USH1G: variants seen among roughly 807,000 people sequenced by gnomAD.
USH1G encodes USH1 protein network component sans, also known as pre-mRNA splicing regulator USH1G.
USH1G carries 27 observed loss-of-function variants against 31.9 expected under a neutral mutation model. The observed-to-expected ratio is 0.85, with a 90% CI of 0.62 to 1.17. USH1G has a LOEUF of 1.17. Among genes scored for constraint, USH1G ranks in the 50% most tolerant of loss-of-function variants. The pLI, the probability that USH1G is intolerant of heterozygous loss-of-function variation, is 0.00. For synonymous variants in USH1G, 266 were observed against 283.2 expected (o/e 0.94, Z 0.61); for missense variants, 674 against 638.9 (o/e 1.05, Z -0.59).
rs1568448 is a variant in USH1G at position 74,916,173 on chromosome 17, C to G, written c.*1900G>C. 0.37 allele frequency: 55,837 copies of G among 152,144 alleles called. 11,730 individuals carry two copies. Among genetic ancestry groups the G allele is most frequent in the Admixed American group, 0.51 (7,844 of 15,282 alleles). The allele number at this position is 152,144 out of a possible 1,614,324, so 9.4% of individuals were successfully genotyped here. Reference sequence around the variant, plus strand: ...CAGTGGTGGGAGCACAGAGCCTGCTCCACCCCAGCACCAGAAGAACCAGGA... The same window carrying G: ...CAGTGGTGGGAGCACAGAGCCTGCTGCACCCCAGCACCAGAAGAACCAGGA... On this transcript the variant is annotated 3_prime_UTR_variant, in exon 3 of 3. Transcript: ENST00000614341.
At position 74,919,962 on chromosome 17, in the gene USH1G, G is replaced by C. The variant is rs755521947; in HGVS notation, c.874C>G (p.Pro292Ala). The change falls in exon 2 of 3, where the codon CCT becomes GCT. Residue 292 changes from proline (P) to alanine (A), a missense_variant. Transcript: ENST00000614341. The surrounding 1 kb of genome is among the most constrained non-coding windows in gnomAD (Gnocchi z 4.5). ...TCGGTGCTGACCTCCGAGTGGGCAG[G>C]CTCGGCCGCCAGCGTGGCACGGGAG... ...SVSRATLAAE[P>A]AHSEVSTDSG... 6.2e-7 allele frequency: 1 copy of C among 1,611,742 alleles called. No homozygotes were observed. Among genetic ancestry groups the C allele is most frequent in the South Asian group, 1.1e-5 (1 of 91,044 alleles).
Position 74,917,261 on chromosome 17 carries a change from A to C in USH1G, c.*812T>G, listed in dbSNP as rs1435214658. ...GTTGGCGGACACCTTTCTCTAGCCC[A>C]GCGCATGCCTGCCAGGCCTGGGGGC... On this transcript the variant is annotated 3_prime_UTR_variant, in exon 3 of 3. Transcript: ENST00000614341. 6.6e-6 allele frequency: 1 copy of C among 152,324 alleles called. No individual in the cohort carries two copies. The highest frequency in any genetic ancestry group is 1.9e-4 in the East Asian group (1 of 5,190). The allele number at this position is 152,324 out of a possible 1,614,324, so 9.4% of individuals were successfully genotyped here.
chr17:74,917,696 A>G lies in USH1G; in HGVS notation c.*377T>C. On this transcript the variant is annotated 3_prime_UTR_variant, in exon 3 of 3. Transcript: ENST00000614341. ...ACAAGACCATCAGGGGAGGGGTGGG[A>G]GAGGCCACGGCGCCCGGGACAGGTG... The G allele has an allele frequency of 3.1e-6, 1 of 324,904 alleles. No homozygotes were observed. Among genetic ancestry groups the G allele is most frequent in the South Asian group, 3.8e-5 (1 of 26,246 alleles). 20.1% of individuals were successfully genotyped at this position (324,904 alleles called of 1,614,324 possible). A position where few individuals can be genotyped will look rare whatever the true frequency, so the allele number is the denominator to read the frequency against.
At position 74,923,052 on chromosome 17, in the gene USH1G, C is replaced by G. The variant is rs779198694; in HGVS notation, c.22G>C (p.Ala8Pro). ...AGCTCCAGGTAGCCATCCCGGGCTGCCCGGTGGTACTGGTCGTTCATGGCG... is the reference window on the plus strand; with the variant it reads ...AGCTCCAGGTAGCCATCCCGGGCTGGCCGGTGGTACTGGTCGTTCATGGCG... MNDQYHRAARDGYLELLK... is the reference protein window; with the variant it reads MNDQYHRPARDGYLELLK... Residue 8 changes from alanine to proline, a missense_variant, in exon 1 of 3, where the codon GCA becomes CCA. By Grantham distance (27) the Ala-to-Pro change is conservative (BLOSUM62 -1). Transcript: ENST00000614341. This position sits in a 1 kb window ranked among gnomAD's most constrained non-coding sequence, Gnocchi z 5.3. 7.6e-6 allele frequency: 12 copies of G among 1,586,500 alleles called. No individual in the cohort carries two copies. In the South Asian group the frequency reaches 1.4e-4, roughly 18 times the overall value.
rs1180674069 is a variant in USH1G, at chr17:74,917,420, G to A, written c.*653C>T. The A allele has an allele frequency of 1.3e-5, 2 of 154,666 alleles. No homozygotes were observed. Among genetic ancestry groups the A allele is most frequent in the African/African-American group, 4.8e-5 (2 of 41,478 alleles). 9.6% of individuals were successfully genotyped at this position (154,666 alleles called of 1,614,324 possible). ...CAGGCCAGGCTCCACCCCTGGATGA[G>A]CTGGGAAGGGCGTCAGTACCCCCAC... On this transcript the variant is annotated 3_prime_UTR_variant, in exon 3 of 3. Transcript: ENST00000614341.
At position 74,920,448 on chromosome 17, in the gene USH1G, T is replaced by C. The variant is rs111033465; in HGVS notation, c.388A>G (p.Lys130Glu). Residue 130 changes from lysine to glutamate, a missense_variant, in exon 2 of 3, where the codon AAG becomes GAG. Lys to Glu is a moderately conservative substitution (Grantham distance 56, BLOSUM62 1). Coordinates refer to ENST00000614341, the MANE Select transcript of USH1G (RefSeq NM_173477.5). The surrounding 1 kb of genome is among the most constrained non-coding windows in gnomAD (Gnocchi z 5.2). ...TTGTCCTTCAGCTTACCCACCAGCT[T>C]GGGGTTGAGGCTGCTCTGCTTGGCC... The part of the protein sequence containing the change: ...IAAKQSSLNP[K>E]LVGKLKDKAF... 6.9e-3 allele frequency: 11,208 copies of C among 1,613,660 alleles called. 612 individuals are homozygous for C. In the African/African-American group the frequency reaches 0.13, roughly 19 times the overall value.
In USH1G at chr17:74,921,634, C is replaced by G. The variant is rs1042124853; in HGVS notation, c.165-963G>C. On this transcript the variant is annotated intron_variant, in intron 1 of 2. Coordinates refer to ENST00000614341, the MANE Select transcript of USH1G (RefSeq NM_173477.5). This position sits in a 1 kb window ranked among gnomAD's most constrained non-coding sequence, Gnocchi z 4.6. Reference sequence around the variant, plus strand: ...CTTCCTGGGCCTCCCCTCCTGGCCGCCAAGTCCTGCAGGCCAGTGTGGGAA... The same window carrying G: ...CTTCCTGGGCCTCCCCTCCTGGCCGGCAAGTCCTGCAGGCCAGTGTGGGAA... Among the ~76,000 whole-genome samples the G allele has an allele frequency of 6.6e-6, 1 of 152,180 alleles. No homozygotes were observed. Among genetic ancestry groups the G allele is most frequent in the African/African-American group, 2.4e-5 (1 of 41,438 alleles).
chr17:74,918,012 G>C lies in USH1G; in HGVS notation c.*61C>G. On this transcript the variant is annotated 3_prime_UTR_variant, in exon 3 of 3. Coordinates refer to ENST00000614341, the MANE Select transcript of USH1G (RefSeq NM_173477.5). The surrounding 1 kb of genome is among the most constrained non-coding windows in gnomAD (Gnocchi z 4.1). Reference sequence around the variant, plus strand: ...GGGCTGGCAACTGTGAGGACCTCGAGACCCCACCATAGGTTGTGGCAACTT... The same window carrying C: ...GGGCTGGCAACTGTGAGGACCTCGACACCCCACCATAGGTTGTGGCAACTT... 1 of 1,612,146 alleles carries C rather than the reference G, an allele frequency of 6.2e-7. No individual in the cohort carries two copies. Among genetic ancestry groups the C allele is most frequent in the Non-Finnish European group, 8.5e-7 (1 of 1,178,536 alleles).
chr17:74,920,284 G>A lies in USH1G; in HGVS notation c.552C>T (p.Ser184=), dbSNP rs761010255. 1 of 1,604,376 alleles carries A rather than the reference G, an allele frequency of 6.2e-7. No individual in the cohort carries two copies. ...GATGCTGCAGCCGGCGGCTCAGGGT[G>A]CTGGACGTGAGGCTGGAGAAGCTGA... ...DTLSFSSLTS[S]TLSRRLQHLA... is the part of the protein sequence containing the mutation. The change falls in exon 2 of 3, where the codon AGC becomes AGT. Residue 184 remains serine, a synonymous_variant. Coordinates refer to ENST00000614341, the MANE Select transcript of USH1G (RefSeq NM_173477.5). This position sits in a 1 kb window ranked among gnomAD's most constrained non-coding sequence, Gnocchi z 5.2.
In USH1G at chr17:74,919,896, TGCC is replaced by T. The variant is rs2038915217; in HGVS notation, c.937_939del (p.Gly313del). ...AAGTAATTTCTGCGGAACACCATGGTGCCCAGGCCGGGGCGGGTAAACAGGGAG... is the reference window on the plus strand; with the variant it reads ...AAGTAATTTCTGCGGAACACCATGGTCAGGCCGGGGCGGGTAAACAGGGAG... On this transcript the variant is annotated inframe_deletion, in exon 2 of 3. Coordinates refer to ENST00000614341, the MANE Select transcript of USH1G (RefSeq NM_173477.5). The surrounding 1 kb of genome is among the most constrained non-coding windows in gnomAD (Gnocchi z 4.5). 1.2e-6 allele frequency: 2 copies of T among 1,612,786 alleles called. No individual in the cohort carries two copies. Among genetic ancestry groups the T allele is most frequent in the Non-Finnish European group, 1.7e-6 (2 of 1,179,814 alleles).
In USH1G at chr17:74,923,131, G is replaced by C; in HGVS notation, c.-58C>G. The stretch of plus-strand genomic sequence containing the variant: ...ACGGAGAAAGGCCCCCCGCAGGGGA[G>C]GGCGGCGGTATTAGGGCTGAGGCAT... On this transcript the variant is annotated 5_prime_UTR_variant, in exon 1 of 3. Transcript: ENST00000614341. The surrounding 1 kb of genome is among the most constrained non-coding windows in gnomAD (Gnocchi z 5.3). The C allele has an allele frequency of 6.7e-7, 1 of 1,502,696 alleles. No individual in the cohort carries two copies. Among genetic ancestry groups the C allele is most frequent in the Non-Finnish European group, 9.0e-7 (1 of 1,116,124 alleles). 93.1% of individuals were successfully genotyped at this position (1,502,696 alleles called of 1,614,324 possible). A position where few individuals can be genotyped will look rare whatever the true frequency, so the allele number is the denominator to read the frequency against.
chr17:74,923,215 G>A lies in USH1G; in HGVS notation c.-142C>T. 3.0e-6 allele frequency: 2 copies of A among 674,238 alleles called. No individual in the cohort carries two copies. The highest frequency in any genetic ancestry group is 3.5e-5 in the East Asian group (1 of 28,426). The allele number at this position is 674,238 out of a possible 1,614,324, so 41.8% of individuals were successfully genotyped here. A position where few individuals can be genotyped will look rare whatever the true frequency, so the allele number is the denominator to read the frequency against. On this transcript the variant is annotated 5_prime_UTR_variant, in exon 1 of 3. Coordinates refer to ENST00000614341, the MANE Select transcript of USH1G (RefSeq NM_173477.5). The surrounding 1 kb of genome is among the most constrained non-coding windows in gnomAD (Gnocchi z 5.3). ...GCCGCCAGCCCCCGCTGCCGCAGAC[G>A]GAGGGTGCGGAGCGCCAGAGCCGCG...
Position 74,922,957 on chromosome 17 carries a change from A to C in USH1G, c.117T>G (p.Ala39=). The change falls in exon 1 of 3, where the codon GCT becomes GCG. Residue 39 remains alanine, a synonymous_variant. Transcript: ENST00000614341. ...GCGACTCGAGGTTGCCATGGTAGGC[A>C]GCCCAGAGAGTGGGGGTCATGCCAT... ...DEDGMTPTLW[A]AYHGNLESLR... is the part of the protein sequence containing the mutation. 1.3e-6 allele frequency: 2 copies of C among 1,551,098 alleles called. No individual in the cohort carries two copies. Among genetic ancestry groups the C allele is most frequent in the Non-Finnish European group, 1.7e-6 (2 of 1,145,512 alleles).
Position 74,918,199 on chromosome 17 carries a change from G to C in USH1G, c.1383-123C>G. 2 of 1,368,052 alleles carry C rather than the reference G, an allele frequency of 1.5e-6. No homozygotes were observed. The highest frequency in any genetic ancestry group is 1.0e-6 in the Non-Finnish European group (1 of 979,634). The allele number at this position is 1,368,052 out of a possible 1,614,324, so 84.7% of individuals were successfully genotyped here. A position where few individuals can be genotyped will look rare whatever the true frequency, so the allele number is the denominator to read the frequency against. ...ATCTCTCGGCAGGCCAATTGTCAGG[G>C]ATGGGGGACGCCAGCCTATGGGTGA... On this transcript the variant is annotated intron_variant, in intron 2 of 2. Coordinates refer to ENST00000614341, the MANE Select transcript of USH1G (RefSeq NM_173477.5). This position sits in a 1 kb window ranked among gnomAD's most constrained non-coding sequence, Gnocchi z 4.1.
chr17:74,920,720 A>G lies in USH1G; in HGVS notation c.165-49T>C, dbSNP rs779498842. ...GACGAGTGACGAGTCCTGGCTGGGGATGGAGGTGGAGGGAGTGGAGGGGGG... is the reference window on the plus strand; with the variant it reads ...GACGAGTGACGAGTCCTGGCTGGGGGTGGAGGTGGAGGGAGTGGAGGGGGG... On this transcript the variant is annotated intron_variant, in intron 1 of 2. Transcript: ENST00000614341. This position sits in a 1 kb window ranked among gnomAD's most constrained non-coding sequence, Gnocchi z 5.2. 12 of 1,425,896 alleles carry G rather than the reference A, an allele frequency of 8.4e-6. No individual in the cohort carries two copies. In the South Asian group the frequency reaches 1.3e-4, roughly 15 times the overall value. 88.3% of individuals were successfully genotyped at this position (1,425,896 alleles called of 1,614,324 possible).
Position 74,919,417 on chromosome 17 carries a change from C to G in USH1G, c.1382+37G>C, listed in dbSNP as rs765888502. 6.3e-7 allele frequency: 1 copy of G among 1,578,242 alleles called. No individual in the cohort carries two copies. The highest frequency in any genetic ancestry group is 8.6e-7 in the Non-Finnish European group (1 of 1,162,820). On this transcript the variant is annotated intron_variant, in intron 2 of 2. Coordinates refer to ENST00000614341, the MANE Select transcript of USH1G (RefSeq NM_173477.5). This position sits in a 1 kb window ranked among gnomAD's most constrained non-coding sequence, Gnocchi z 4.5. ...CCCCTCCCCAGGGGCCTTCCAACTCCTGCTCCTCCATCCCCCCCGCCAGGC... is the reference window on the plus strand; with the variant it reads ...CCCCTCCCCAGGGGCCTTCCAACTCGTGCTCCTCCATCCCCCCCGCCAGGC...
chr17:74,919,895 G>T lies in USH1G; in HGVS notation c.941C>A (p.Thr314Asn). The T allele has an allele frequency of 6.2e-7, 1 of 1,613,254 alleles. No individual in the cohort carries two copies. The highest frequency in any genetic ancestry group is 1.7e-5 in the Admixed American group (1 of 60,028). Reference sequence around the variant, plus strand: ...CAAGTAATTTCTGCGGAACACCATGGTGCCCAGGCCGGGGCGGGTAAACAG... The same window carrying T: ...CAAGTAATTTCTGCGGAACACCATGTTGCCCAGGCCGGGGCGGGTAAACAG... ...DSLFTRPGLG[T>N]MVFRRNYLSS... The change falls in exon 2 of 3, where the codon ACC (threonine) becomes AAC (asparagine). Residue 314 changes from threonine (T) to asparagine (N), a missense_variant. Coordinates refer to ENST00000614341, the MANE Select transcript of USH1G (RefSeq NM_173477.5). This position sits in a 1 kb window ranked among gnomAD's most constrained non-coding sequence, Gnocchi z 4.5.
Position 74,920,604 on chromosome 17 carries a change from A to G in USH1G, c.232T>C (p.Leu78=), listed in dbSNP as rs2038931673. 1 of 1,613,884 alleles carries G rather than the reference A, an allele frequency of 6.2e-7. No homozygotes were observed. Among genetic ancestry groups the G allele is most frequent in the Non-Finnish European group, 8.5e-7 (1 of 1,180,044 alleles). The change falls in exon 2 of 3, where the codon TTG becomes CTG. Residue 78 remains leucine, a synonymous_variant. Coordinates refer to ENST00000614341, the MANE Select transcript of USH1G (RefSeq NM_173477.5). The surrounding 1 kb of genome is among the most constrained non-coding windows in gnomAD (Gnocchi z 5.2). ...PLHLAASNGH[L]HCLSFLVSFG... ...GACACCAGGAAGGACAGGCAGTGCA[A>G]GTGGCCATTGGAAGCTGCCAGATGC...
rs534848633 is a variant in USH1G at position 74,919,272 on chromosome 17, CT to C, written c.1382+181del. The stretch of plus-strand genomic sequence containing the variant: ...CCTCGGGTCATCATTAAATTGGCCA[CT>C]TCTTTTTCTGAGCTGGTGGTAAATA... On this transcript the variant is annotated intron_variant, in intron 2 of 2. Coordinates refer to ENST00000614341, the MANE Select transcript of USH1G (RefSeq NM_173477.5). This position sits in a 1 kb window ranked among gnomAD's most constrained non-coding sequence, Gnocchi z 4.5. Among the ~76,000 whole-genome samples the C allele has an allele frequency of 1.3e-5, 2 of 152,196 alleles. No homozygotes were observed. The highest frequency in any genetic ancestry group is 2.9e-5 in the Non-Finnish European group (2 of 68,036).
Sources: allele counts gnomAD v4.1 joint callset (sites outside exome capture counted in the v4.1 genomes callset), GRCh38; gene constraint gnomAD v4.1.1; non-coding constraint Gnocchi (gnomAD v3.1); transcripts MANE v1.5; gene names NCBI Gene and HGNC (gene_info 2026-07-23, HGNC 2026-07-21).